The following SF3B5 variants were observed in gnomAD, a reference collection of about 807,000 sequenced individuals.
SF3B5 encodes pre-mRNA-splicing factor SF3b 10 kDa subunit.
In SF3B5, 3 loss-of-function variants were observed where a neutral mutation model predicts 7.0. The observed-to-expected ratio is 0.43, with a 90% CI of 0.19 to 1.10. SF3B5 has a LOEUF of 1.10. Ranked by LOEUF, SF3B5 falls within the 50% of genes least tolerant of loss-of-function variation. The pLI is 0.29. For synonymous variants in SF3B5, 51 were observed against 44.8 expected, an observed-to-expected ratio of 1.14 and a Z score of -0.55; for missense variants, 73 against 113.6, an observed-to-expected ratio of 0.64 and a Z score of 1.63.
rs1800128289 is a variant in SF3B5, at chr6:144,095,498, C to G, written c.-1G>C. The G allele has an allele frequency of 6.2e-7, 1 of 1,613,372 alleles. No individual in the cohort carries two copies. Among genetic ancestry groups the G allele is most frequent in the African/African-American group, 1.3e-5 (1 of 74,932 alleles). ...TATGGATGGTGTAGCGGTCAGTCAT[C>G]TCGCCGCTTTCCCCTTCGCTCTCAG... On this transcript the variant is annotated 5_prime_UTR_variant, in exon 1 of 1. Coordinates refer to ENST00000367569, the MANE Select transcript of SF3B5 (RefSeq NM_031287.3). This position sits in a 1 kb window ranked among gnomAD's most constrained non-coding sequence, Gnocchi z 4.3.
Position 144,095,501 on chromosome 6 carries a change from G to A in SF3B5, c.-4C>T. The A allele has an allele frequency of 6.2e-7, 1 of 1,613,346 alleles. No individual in the cohort carries two copies. The highest frequency in any genetic ancestry group is 8.5e-7 in the Non-Finnish European group (1 of 1,179,326). On this transcript the variant is annotated 5_prime_UTR_variant, in exon 1 of 1. Transcript: ENST00000367569. The surrounding 1 kb of genome is among the most constrained non-coding windows in gnomAD (Gnocchi z 4.3). Reference sequence around the variant, plus strand: ...GGATGGTGTAGCGGTCAGTCATCTCGCCGCTTTCCCCTTCGCTCTCAGGTC... The same window carrying A: ...GGATGGTGTAGCGGTCAGTCATCTCACCGCTTTCCCCTTCGCTCTCAGGTC...
Position 144,095,550 on chromosome 6 carries a change from C to A in SF3B5, c.-53G>T. On this transcript the variant is annotated 5_prime_UTR_variant, in exon 1 of 1. Transcript: ENST00000367569. This position sits in a 1 kb window ranked among gnomAD's most constrained non-coding sequence, Gnocchi z 4.3. ...TCAGAGGACGCAGGTAACAACTCGC[C>A]GCTCTAGCGTTTTACAGGAGAGTGA... 1 of 1,602,444 alleles carries A rather than the reference C, an allele frequency of 6.2e-7. No individual in the cohort carries two copies. The highest frequency in any genetic ancestry group is 1.1e-5 in the South Asian group (1 of 90,228).
rs548673819 is a variant in SF3B5, at chr6:144,095,514, T to C, written c.-17A>G. ...GTCAGTCATCTCGCCGCTTTCCCCT[T>C]CGCTCTCAGGTCAGAGGACGCAGGT... On this transcript the variant is annotated 5_prime_UTR_variant, in exon 1 of 1. Transcript: ENST00000367569. This position sits in a 1 kb window ranked among gnomAD's most constrained non-coding sequence, Gnocchi z 4.3. 272 of 1,613,116 alleles carry C rather than the reference T, an allele frequency of 1.7e-4. 3 individuals are homozygous for C. The South Asian group carries it at 2.8e-3, about 17-fold the overall frequency.
chr6:144,095,146 C>T lies in SF3B5; in HGVS notation c.*91G>A. ...ACGAGGCGCAGGAGCCATGGAGAGC[C>T]GGTCCTTTGGAGACAGGAATACTTA... On this transcript the variant is annotated 3_prime_UTR_variant, in exon 1 of 1. Transcript: ENST00000367569. The surrounding 1 kb of genome is among the most constrained non-coding windows in gnomAD (Gnocchi z 4.3). 3 of 1,566,974 alleles carry T rather than the reference C, an allele frequency of 1.9e-6. No homozygotes were observed. The highest frequency in any genetic ancestry group is 2.2e-5 in the East Asian group (1 of 44,494).
rs1765531191 is a variant in SF3B5, at chr6:144,095,161, AG to A, written c.*75del. 1 of 1,591,334 alleles carries A rather than the reference AG, an allele frequency of 6.3e-7. No individual in the cohort carries two copies. The highest frequency in any genetic ancestry group is 1.3e-5 in the African/African-American group (1 of 74,510). ...CATGGAGAGCCGGTCCTTTGGAGACAGGAATACTTAAGAGGATTGGCAAACC... is the reference window on the plus strand; with the variant it reads ...CATGGAGAGCCGGTCCTTTGGAGACAGAATACTTAAGAGGATTGGCAAACC... On this transcript the variant is annotated 3_prime_UTR_variant, in exon 1 of 1. Transcript: ENST00000367569. The surrounding 1 kb of genome is among the most constrained non-coding windows in gnomAD (Gnocchi z 4.3).
Position 144,095,546 on chromosome 6 carries a change from T to G in SF3B5, c.-49A>C. On this transcript the variant is annotated 5_prime_UTR_variant, in exon 1 of 1. Transcript: ENST00000367569. The surrounding 1 kb of genome is among the most constrained non-coding windows in gnomAD (Gnocchi z 4.3). ...CAGGTCAGAGGACGCAGGTAACAAC[T>G]CGCCGCTCTAGCGTTTTACAGGAGA... 6.2e-7 allele frequency: 1 copy of G among 1,605,064 alleles called. No homozygotes were observed. Among genetic ancestry groups the G allele is most frequent in the Non-Finnish European group, 8.5e-7 (1 of 1,173,660 alleles).
In SF3B5 at chr6:144,095,158, G is replaced by T; in HGVS notation, c.*79C>A. ...AGCCATGGAGAGCCGGTCCTTTGGA[G>T]ACAGGAATACTTAAGAGGATTGGCA... On this transcript the variant is annotated 3_prime_UTR_variant, in exon 1 of 1. Transcript: ENST00000367569. This position sits in a 1 kb window ranked among gnomAD's most constrained non-coding sequence, Gnocchi z 4.3. The T allele has an allele frequency of 6.3e-7, 1 of 1,585,848 alleles. No homozygotes were observed. The highest frequency in any genetic ancestry group is 1.1e-5 in the South Asian group (1 of 87,458).
Position 144,095,297 on chromosome 6 carries a change from G to T in SF3B5, c.201C>A (p.Asn67Lys). 1 of 1,614,280 alleles carries T rather than the reference G, an allele frequency of 6.2e-7. No homozygotes were observed. The highest frequency in any genetic ancestry group is 8.5e-7 in the Non-Finnish European group (1 of 1,180,060). ...ENESKARVRF[N>K]LMEKMLQPCG... ...AAGGCTGAAGCATCTTTTCCATCAA[G>T]TTGAAGCGGACTCGCGCTTTGCTCT... Residue 67 changes from asparagine to lysine, a missense_variant, in exon 1 of 1, where the codon AAC (asparagine) becomes AAA (lysine). Transcript: ENST00000367569. This position sits in a 1 kb window ranked among gnomAD's most constrained non-coding sequence, Gnocchi z 4.3.
rs372837316 is a variant in SF3B5, at chr6:144,095,507, T to C, written c.-10A>G. Reference sequence around the variant, plus strand: ...TGTAGCGGTCAGTCATCTCGCCGCTTTCCCCTTCGCTCTCAGGTCAGAGGA... The same window carrying C: ...TGTAGCGGTCAGTCATCTCGCCGCTCTCCCCTTCGCTCTCAGGTCAGAGGA... On this transcript the variant is annotated 5_prime_UTR_variant, in exon 1 of 1. Coordinates refer to ENST00000367569, the MANE Select transcript of SF3B5 (RefSeq NM_031287.3). This position sits in a 1 kb window ranked among gnomAD's most constrained non-coding sequence, Gnocchi z 4.3. The C allele has an allele frequency of 2.1e-4, 336 of 1,613,292 alleles. No homozygotes were observed. The highest frequency in any genetic ancestry group is 1.3e-3 in the Middle Eastern group (8 of 6,060).
In SF3B5 at chr6:144,095,535, C is replaced by G. The variant is rs1454809057; in HGVS notation, c.-38G>C. 6.2e-7 allele frequency: 1 copy of G among 1,607,934 alleles called. No homozygotes were observed. The highest frequency in any genetic ancestry group is 2.2e-5 in the East Asian group (1 of 44,670). On this transcript the variant is annotated 5_prime_UTR_variant, in exon 1 of 1. Transcript: ENST00000367569. This position sits in a 1 kb window ranked among gnomAD's most constrained non-coding sequence, Gnocchi z 4.3. ...CCCTTCGCTCTCAGGTCAGAGGACG[C>G]AGGTAACAACTCGCCGCTCTAGCGT...
Position 144,095,018 on chromosome 6 carries a change from C to T in SF3B5, c.*219G>A. 2 of 662,010 alleles carry T rather than the reference C, an allele frequency of 3.0e-6. No homozygotes were observed. The highest frequency in any genetic ancestry group is 1.9e-5 in the South Asian group (1 of 53,864). The allele number at this position is 662,010 out of a possible 1,614,324, so 41.0% of individuals were successfully genotyped here. ...CGGCTCTAGGACCTCTCCACCAGCA[C>T]AGTTCTCAGGAGTCCTGCTGGTCTC... On this transcript the variant is annotated 3_prime_UTR_variant, in exon 1 of 1. Coordinates refer to ENST00000367569, the MANE Select transcript of SF3B5 (RefSeq NM_031287.3). This position sits in a 1 kb window ranked among gnomAD's most constrained non-coding sequence, Gnocchi z 4.3.
chr6:144,094,964 A>C lies in SF3B5; in HGVS notation c.*273T>G, dbSNP rs116855210. On this transcript the variant is annotated 3_prime_UTR_variant, in exon 1 of 1. Transcript: ENST00000367569. ...GAGACGCCAAATCCCATCTCACTCC[A>C]GCGCCATGCCCTCTTCTCAAACGCT... 254 of 531,788 alleles carry C rather than the reference A, an allele frequency of 4.8e-4. 1 individual carries two copies. In the East Asian group the frequency reaches 7.3e-3, roughly 15 times the overall value. The allele number at this position is 531,788 out of a possible 1,614,324, so 32.9% of individuals were successfully genotyped here.
Position 144,094,973 on chromosome 6 carries a change from C to A in SF3B5, c.*264G>T, listed in dbSNP as rs966749187. ...AATCCCATCTCACTCCAGCGCCATG[C>A]CCTCTTCTCAAACGCTCGCCGGCTC... On this transcript the variant is annotated 3_prime_UTR_variant, in exon 1 of 1. Coordinates refer to ENST00000367569, the MANE Select transcript of SF3B5 (RefSeq NM_031287.3). The A allele has an allele frequency of 2.7e-5, 15 of 552,800 alleles. No homozygotes were observed. Among genetic ancestry groups the A allele is most frequent in the Non-Finnish European group, 4.2e-5 (13 of 307,734 alleles). The allele number at this position is 552,800 out of a possible 1,614,324, so 34.2% of individuals were successfully genotyped here. A position where few individuals can be genotyped will look rare whatever the true frequency, so the allele number is the denominator to read the frequency against.
At position 144,095,529 on chromosome 6, in the gene SF3B5, A is replaced by T; in HGVS notation, c.-32T>A. 2 of 1,610,512 alleles carry T rather than the reference A, an allele frequency of 1.2e-6. No individual in the cohort carries two copies. The highest frequency in any genetic ancestry group is 1.7e-5 in the Admixed American group (1 of 59,910). The stretch of plus-strand genomic sequence containing the variant: ...GCTTTCCCCTTCGCTCTCAGGTCAG[A>T]GGACGCAGGTAACAACTCGCCGCTC... On this transcript the variant is annotated 5_prime_UTR_variant, in exon 1 of 1. Coordinates refer to ENST00000367569, the MANE Select transcript of SF3B5 (RefSeq NM_031287.3). This position sits in a 1 kb window ranked among gnomAD's most constrained non-coding sequence, Gnocchi z 4.3.
rs1800128400 is a variant in SF3B5 at position 144,095,505 on chromosome 6, C to T, written c.-8G>A. ...GGTGTAGCGGTCAGTCATCTCGCCG[C>T]TTTCCCCTTCGCTCTCAGGTCAGAG... On this transcript the variant is annotated 5_prime_UTR_variant, in exon 1 of 1. Transcript: ENST00000367569. The surrounding 1 kb of genome is among the most constrained non-coding windows in gnomAD (Gnocchi z 4.3). 6.2e-7 allele frequency: 1 copy of T among 1,613,198 alleles called. No individual in the cohort carries two copies. Among genetic ancestry groups the T allele is most frequent in the Non-Finnish European group, 8.5e-7 (1 of 1,179,288 alleles).
At position 144,095,273 on chromosome 6, in the gene SF3B5, A is replaced by G. The variant is rs1412147268; in HGVS notation, c.225T>C (p.Pro75=). The G allele has an allele frequency of 1.9e-6, 3 of 1,614,254 alleles. No individual in the cohort carries two copies. Among genetic ancestry groups the G allele is most frequent in the Non-Finnish European group, 2.5e-6 (3 of 1,180,044 alleles). Residue 75 remains proline, a synonymous_variant, in exon 1 of 1, where the codon CCT becomes CCC. Coordinates refer to ENST00000367569, the MANE Select transcript of SF3B5 (RefSeq NM_031287.3). The surrounding 1 kb of genome is among the most constrained non-coding windows in gnomAD (Gnocchi z 4.3). ...CGGGCTTGTCGGCTGGCGGTCCACA[A>G]GGCTGAAGCATCTTTTCCATCAAGT... The part of the protein sequence containing the change: ...RFNLMEKMLQ[P]CGPPADKPEE...
At position 144,094,955 on chromosome 6, in the gene SF3B5, TCTCA is replaced by T; in HGVS notation, c.*278_*281del. 2.0e-6 allele frequency: 1 copy of T among 499,910 alleles called. No homozygotes were observed. Among genetic ancestry groups the T allele is most frequent in the South Asian group, 2.7e-5 (1 of 37,628 alleles). The allele number at this position is 499,910 out of a possible 1,614,324, so 31.0% of individuals were successfully genotyped here. ...GCCAAAAACGAGACGCCAAATCCCA[TCTCA>T]CTCCAGCGCCATGCCCTCTTCTCAA... is the stretch of plus-strand genomic sequence containing the variant. On this transcript the variant is annotated 3_prime_UTR_variant, in exon 1 of 1. Transcript: ENST00000367569.
Position 144,095,156 on chromosome 6 carries a change from G to C in SF3B5, c.*81C>G, listed in dbSNP as rs776700033. On this transcript the variant is annotated 3_prime_UTR_variant, in exon 1 of 1. Coordinates refer to ENST00000367569, the MANE Select transcript of SF3B5 (RefSeq NM_031287.3). The surrounding 1 kb of genome is among the most constrained non-coding windows in gnomAD (Gnocchi z 4.3). ...GGAGCCATGGAGAGCCGGTCCTTTG[G>C]AGACAGGAATACTTAAGAGGATTGG... The C allele has an allele frequency of 2.5e-6, 4 of 1,583,682 alleles. No homozygotes were observed. The highest frequency in any genetic ancestry group is 3.4e-6 in the Non-Finnish European group (4 of 1,162,246).
Position 144,095,220 on chromosome 6 carries a change from G to A in SF3B5, c.*17C>T, listed in dbSNP as rs11553837. 6.2e-7 allele frequency: 1 copy of A among 1,613,168 alleles called. No homozygotes were observed. The highest frequency in any genetic ancestry group is 1.3e-5 in the African/African-American group (1 of 74,932). On this transcript the variant is annotated 3_prime_UTR_variant, in exon 1 of 1. Transcript: ENST00000367569. The surrounding 1 kb of genome is among the most constrained non-coding windows in gnomAD (Gnocchi z 4.3). ...CGCTGGGAGAGGTGCCCCGCACTGC[G>A]GTGGTAAGGCAGAGTCTCAGTTCTC...
Sources: gnomAD v4.1 joint callset for allele counts on GRCh38, gnomAD v4.1.1 for gene constraint, Gnocchi (gnomAD v3.1) non-coding constraint, MANE v1.5 for transcripts, NCBI Gene and HGNC (gene_info 2026-07-23, HGNC 2026-07-21) for gene names.